TCERG1L: variants seen among roughly 807,000 people sequenced by gnomAD.
TCERG1L encodes transcription elongation regulator 1 like, also known as transcription elongation regulator 1-like protein.
TCERG1L carries 37 observed loss-of-function variants against 56.3 expected under a neutral mutation model. The observed-to-expected ratio is 0.66, with a 90% confidence interval of 0.51 to 0.87. TCERG1L has a LOEUF of 0.87. Ranked by LOEUF, TCERG1L falls within the 40% of genes least tolerant of loss-of-function variation. TCERG1L has a pLI of 0.00. For synonymous variants in TCERG1L, 324 were observed against 326.3 expected (o/e 0.99, Z 0.08); for missense variants, 799 against 774.2 (o/e 1.03, Z -0.38).
intron 7 of TCERG1L, among the ~76,000 whole-genome samples, chr10:131,145,485 T>C (rs1845784651): frequency 6.6e-6 from 1 of 152,230 alleles, no homozygotes; most frequent in African/African-American, 2.4e-5. Flanking sequence ...CTGTTACTAT[T>C]TTAAATGGAA....
intron 4 of TCERG1L, among the ~76,000 whole-genome samples, chr10:131,239,654 C>T (rs1845950439): frequency 6.6e-6 from 1 of 152,212 alleles, no homozygotes; most frequent in Admixed American, 6.5e-5. Context: ...GACAGAGGGG[C>T]TTTTACAGGA....
chr10:131,209,708 A>T (rs1845595421), intron 4 of TCERG1L, among the ~76,000 whole-genome samples: 1 of 152,224 alleles, frequency 6.6e-6, no homozygotes. Context: ...ACACAGTATC[A>T]TAGTAGGGCA....
At chr10:131,249,966 C>G (rs192221981) in intron 4 of TCERG1L, among the ~76,000 whole-genome samples, 9 of 152,354 alleles carry the variant, frequency 5.9e-5, no homozygotes, top group Non-Finnish European at 8.8e-5. Context: ...GAGCACACAC[C>G]TGTCCCAGCA....
chr10:131,301,939 A>T (rs1846765778), intron 3 of TCERG1L, among the ~76,000 whole-genome samples: 1 of 152,114 alleles, frequency 6.6e-6, no homozygotes, highest in African/African-American at 2.4e-5. Context: ...TGAGCTTAAA[A>T]CAAAAATAAG....
chr10:131,288,575 G>A (rs781325696), intron 3 of TCERG1L, among the ~76,000 whole-genome samples: 1 of 152,134 alleles, frequency 6.6e-6, no homozygotes. Context: ...TGGAAGTCCC[G>A]TCCAGACATC....
At chr10:131,284,101 AG>A (rs1419165032) in intron 3 of TCERG1L, among the ~76,000 whole-genome samples, 2 of 145,124 alleles carry the variant, frequency 1.4e-5, no homozygotes, top group Non-Finnish European at 3.0e-5. Context: ...ACTCCAGCCT[AG>A]GCGACAGAAC....
chr10:131,168,003 T>C (rs1443435211), intron 4 of TCERG1L, among the ~76,000 whole-genome samples: 1 of 152,206 alleles, frequency 6.6e-6, no homozygotes, highest in Non-Finnish European at 1.5e-5. Flanking sequence ...CCAGGTCTCA[T>C]GGGTGTGCAG....
Position 131,093,072 on chromosome 10 carries a change from G to T in TCERG1L, c.*90C>A. ...CCGCTGGGCCGTGCAGGTCTCGGCC[G>T]CCCCACGCCCGTGTCCGTCTCCACC... On this transcript the variant is annotated 3_prime_UTR_variant, in exon 12 of 12. Transcript: ENST00000368642. 2.8e-6 allele frequency: 4 copies of T among 1,450,282 alleles called. No individual in the cohort carries two copies. Among genetic ancestry groups the T allele is most frequent in the Non-Finnish European group, 3.7e-6 (4 of 1,073,630 alleles). 89.8% of individuals were successfully genotyped at this position (1,450,282 alleles called of 1,614,324 possible).
At chr10:131,248,566 G>A (rs1424696741) in intron 4 of TCERG1L, among the ~76,000 whole-genome samples, 1 of 152,154 alleles carries the variant, frequency 6.6e-6, no homozygotes, top group South Asian at 2.1e-4. Context: ...GACTCTTCCC[G>A]TGACCCCCTA....
In TCERG1L at chr10:131,127,334, C is replaced by G. The variant is rs562827463; in HGVS notation, c.1259+7045G>C. Among the ~76,000 whole-genome samples, 176 of 152,304 alleles carry G rather than the reference C, an allele frequency of 1.2e-3. 2 individuals carry two copies. Among genetic ancestry groups the G allele is most frequent in the African/African-American group, 4.1e-3 (170 of 41,578 alleles). ...GACAGAGACAGAGACTGAGGCACGT[C>G]CCAGGCCCCAAGCACCAGCCAGCCC... On this transcript the variant is annotated intron_variant, in intron 8 of 11. Transcript: ENST00000368642.
rs1281942437 is a variant in TCERG1L at position 131,311,380 on chromosome 10, G to C, written c.256C>G (p.Pro86Ala). The C allele has an allele frequency of 4.2e-6, 5 of 1,192,720 alleles. No homozygotes were observed. Among genetic ancestry groups the C allele is most frequent in the Admixed American group, 4.5e-5 (1 of 22,124 alleles). 73.9% of individuals were successfully genotyped at this position (1,192,720 alleles called of 1,614,324 possible). A position where few individuals can be genotyped will look rare whatever the true frequency, so the allele number is the denominator to read the frequency against. Residue 86 changes from proline (P) to alanine (A), a missense_variant, in exon 1 of 12, where the codon CCG becomes GCG. Transcript: ENST00000368642. The surrounding 1 kb of genome is among the most constrained non-coding windows in gnomAD (Gnocchi z 4.0). ...GGCAGCGGCAGCAGCGGGAGCACCG[G>C]CTCGCTCGGGGCCGGCCAGCCGGGG... ...GLPGWPAPSE[P>A]VLPLLPLPSA... is the part of the protein sequence containing the mutation.
At chr10:131,297,174 T>G (rs1020006040) in intron 3 of TCERG1L, among the ~76,000 whole-genome samples, 2 of 152,232 alleles carry the variant, frequency 1.3e-5, no homozygotes, top group African/African-American at 4.8e-5. Flanking sequence ...ACTATTCAGT[T>G]TGACGTTAGT....
At chr10:131,305,305 C>T (rs1289175769) in intron 3 of TCERG1L, among the ~76,000 whole-genome samples, 1 of 152,038 alleles carries the variant, frequency 6.6e-6, no homozygotes, top group African/African-American at 2.4e-5. Flanking sequence ...CGAATGAGTG[C>T]AGTGTATATA....
intron 6 of TCERG1L, among the ~76,000 whole-genome samples, chr10:131,151,879 G>A (rs12260871): frequency 6.6e-6 from 1 of 152,072 alleles, no homozygotes; most frequent in East Asian, 1.9e-4. Context: ...TGTGTACCCA[G>A]AGGCTCAACA....
At chr10:131,188,271 G>A (rs1196351350) in intron 4 of TCERG1L, among the ~76,000 whole-genome samples, 1 of 152,184 alleles carries the variant, frequency 6.6e-6, no homozygotes, top group Non-Finnish European at 1.5e-5. Flanking sequence ...AGTGGGTACT[G>A]AAGTGCCGCC....
rs760154977 is a variant in TCERG1L at position 131,111,958 on chromosome 10, C to T, written c.1395+4841G>A. On this transcript the variant is annotated intron_variant, in intron 9 of 11. Transcript: ENST00000368642. Reference sequence around the variant, plus strand: ...CCTGCCCCCCAGCCTCTCTTCTCAGCGCAGGCTGCAGGCTGCTTGACCAGT... The same window carrying T: ...CCTGCCCCCCAGCCTCTCTTCTCAGTGCAGGCTGCAGGCTGCTTGACCAGT... Among the ~76,000 whole-genome samples, 10 of 142,942 alleles carry T rather than the reference C, an allele frequency of 7.0e-5. 2 individuals carry two copies. The highest frequency in any genetic ancestry group is 2.1e-4 in the Admixed American group (3 of 14,566). The allele number at this position is 142,942 out of a possible 152,430, so 93.8% of individuals were successfully genotyped here. A position where few individuals can be genotyped will look rare whatever the true frequency, so the allele number is the denominator to read the frequency against.
Position 131,311,669 on chromosome 10 carries a change from C to G in TCERG1L, c.-34G>C, listed in dbSNP as rs912833415. 1.0e-5 allele frequency: 11 copies of G among 1,061,820 alleles called. No homozygotes were observed. Among genetic ancestry groups the G allele is most frequent in the Non-Finnish European group, 1.1e-5 (10 of 869,606 alleles). 65.8% of individuals were successfully genotyped at this position (1,061,820 alleles called of 1,614,324 possible). On this transcript the variant is annotated 5_prime_UTR_variant, in exon 1 of 12. Coordinates refer to ENST00000368642, the MANE Select transcript of TCERG1L (RefSeq NM_174937.4). The surrounding 1 kb of genome is among the most constrained non-coding windows in gnomAD (Gnocchi z 4.0). The stretch of plus-strand genomic sequence containing the variant: ...CCCGCGCTGACGGCGGCGGCGGGGG[C>G]GGCGGGCGCCCGAGATGCTGGGCCG...
chr10:131,213,285 A>T (rs190138856), intron 4 of TCERG1L, among the ~76,000 whole-genome samples: 232 of 152,284 alleles, frequency 1.5e-3, no homozygotes, highest in Non-Finnish European at 2.2e-3. Context: ...ATCAGAACCC[A>T]CACCTGCACC....
intron 8 of TCERG1L, among the ~76,000 whole-genome samples, chr10:131,128,350 GA>G (rs1284139812): frequency 1.3e-5 from 2 of 152,164 alleles, no homozygotes; most frequent in Non-Finnish European, 2.9e-5. Flanking sequence ...TCCAAGCCAC[GA>G]AACAGAACAG....
Sources: allele counts gnomAD v4.1 joint callset (sites outside exome capture counted in the v4.1 genomes callset), GRCh38; gene constraint gnomAD v4.1.1; non-coding constraint Gnocchi (gnomAD v3.1); transcripts MANE v1.5; gene names NCBI Gene and HGNC (gene_info 2026-07-23, HGNC 2026-07-21).